CCDC57: variants seen among roughly 807,000 people sequenced by gnomAD.
The protein encoded by CCDC57 is coiled-coil domain-containing protein 57.
In CCDC57, 118 loss-of-function variants were observed where a neutral mutation model predicts 118.9. That is an observed-to-expected ratio of 0.99 (90% CI 0.86 to 1.16). CCDC57 has a LOEUF of 1.16. Among genes scored for constraint, CCDC57 ranks in the 50% most tolerant of loss-of-function variants. The pLI is 0.00. For synonymous variants in CCDC57, 527 were observed against 532.9 expected (o/e 0.99, Z 0.15); for missense variants, 1,300 against 1,320.7 (o/e 0.98, Z 0.24).
At position 82,164,989 on chromosome 17, in the gene CCDC57, C is replaced by T. The variant is rs529000790; in HGVS notation, c.1883-1632G>A. On this transcript the variant is annotated intron_variant, in intron 13 of 19. Transcript: ENST00000665763. ...TGAGAATTGAAAATTATGGGCCAGT[C>T]TTACTCATGAACATAAATGTGATAA... is the stretch of plus-strand genomic sequence containing the variant. Among the ~76,000 whole-genome samples, 4 of 152,270 alleles carry T rather than the reference C, an allele frequency of 2.6e-5. No individual in the cohort carries two copies. In the East Asian group the frequency reaches 7.7e-4, roughly 29 times the overall value.
At chr17:82,206,565 G>C (rs2049675758) in intron 2 of CCDC57, among the ~76,000 whole-genome samples, 1 of 152,094 alleles carries the variant, frequency 6.6e-6, no homozygotes, top group Admixed American at 6.5e-5. Context: ...TGGGGTGTGG[G>C]GGGGTCCTCC....
chr17:82,195,425 C>G lies in CCDC57; in HGVS notation c.517-61G>C, dbSNP rs553741044. 491 of 1,344,180 alleles carry G rather than the reference C, an allele frequency of 3.7e-4. 1 individual carries two copies. In the African/African-American group the frequency reaches 6.6e-3, roughly 18 times the overall value. 83.3% of individuals were successfully genotyped at this position (1,344,180 alleles called of 1,614,324 possible). ...GGAACCCAGCAAAGACCCCCACCCA[C>G]GTCCTGGGAGGTGGGATCCAGAGGT... On this transcript the variant is annotated intron_variant, in intron 4 of 19. Coordinates refer to ENST00000665763, the Ensembl canonical transcript of CCDC57.
intron 3 of CCDC57, among the ~76,000 whole-genome samples, chr17:82,200,191 T>C (rs1271067532): frequency 6.6e-6 from 1 of 152,116 alleles, no homozygotes; most frequent in Non-Finnish European, 1.5e-5. Context: ...TTCACACCCA[T>C]CTGAGACCCT....
In CCDC57 at chr17:82,121,724, G is replaced by A. The variant is rs375623196; in HGVS notation, c.2899+5968C>T. Among the ~76,000 whole-genome samples the A allele has an allele frequency of 3.2e-4, 49 of 152,334 alleles. No individual in the cohort carries two copies. The East Asian group carries it at 6.2e-3, about 19-fold the overall frequency. On this transcript the variant is annotated intron_variant, in intron 19 of 19. Coordinates refer to ENST00000665763, the Ensembl canonical transcript of CCDC57. ...TGAGCTCCTGGGCCTCAGTCAGCGC[G>A]TCCTGCCATGGGGCCGTGCATGCCG...
chr17:82,194,456 A>G (rs2048060734), intron 5 of CCDC57, among the ~76,000 whole-genome samples: 2 of 151,912 alleles, frequency 1.3e-5, no homozygotes, highest in Admixed American at 1.3e-4. Flanking sequence ...GATTACAGGC[A>G]CCCACCACCA....
At chr17:82,151,972 T>C (rs1251581140) in intron 15 of CCDC57, 199 bp from the exon 15 acceptor site, 7 of 578,928 alleles carry the variant, frequency 1.2e-5, no homozygotes, top group African/African-American at 1.9e-5. Flanking sequence ...CTTCCACAAA[T>C]AGAATAAAGG....
At chr17:82,150,952 C>T (rs1434492469) in intron 16 of CCDC57, among the ~76,000 whole-genome samples, 1 of 88,814 alleles carries the variant, frequency 1.1e-5, no homozygotes, top group Non-Finnish European at 2.2e-5. Flanking sequence ...CAGGCGCACA[C>T]CCAGAACCTG....
At chr17:82,111,433 C>A (rs2035236144) in intron 19 of CCDC57, among the ~76,000 whole-genome samples, 1 of 146,538 alleles carries the variant, frequency 6.8e-6, no homozygotes, top group Non-Finnish European at 1.5e-5. Context: ...GGTTGGAGCG[C>A]AGTGGCGTGA....
chr17:82,111,635 TCTG>T (rs977291182), intron 19 of CCDC57, among the ~76,000 whole-genome samples: 1 of 151,208 alleles, frequency 6.6e-6, no homozygotes, highest in African/African-American at 2.4e-5. Context: ...TGAGACAGAG[TCTG>T]CTCTTTCACC....
chr17:82,188,896 C>G (rs775787804), intron 7 of CCDC57, among the ~76,000 whole-genome samples: 5 of 152,218 alleles, frequency 3.3e-5, no homozygotes, highest in Non-Finnish European at 7.3e-5. Flanking sequence ...TCAAGCAATC[C>G]TCTCACCTCA....
intron 19 of CCDC57, among the ~76,000 whole-genome samples, chr17:82,119,530 A>G (rs561843125): frequency 6.6e-6 from 1 of 152,150 alleles, no homozygotes; most frequent in African/African-American, 2.4e-5. Flanking sequence ...AAGTTTAGGA[A>G]GAAAAATGGC....
intron 7 of CCDC57, among the ~76,000 whole-genome samples, chr17:82,191,656 G>A (rs34620191): frequency 0.48 from 72,307 of 151,646 alleles, 18,003 homozygotes; most frequent in East Asian, 0.88. Flanking sequence ...CTTAACAAAC[G>A]GTAAACATAT....
intron 4 of CCDC57, 90 bp from the exon 4 acceptor site, chr17:82,195,454 C>G (rs1370839678): frequency 2.1e-6 from 2 of 967,084 alleles, no homozygotes; most frequent in Non-Finnish European, 3.2e-6. Context: ...CAGAGGTGAG[C>G]AGGACACAGT....
At chr17:82,134,531 C>T (rs1467856622) in intron 16 of CCDC57, among the ~76,000 whole-genome samples, 1 of 152,122 alleles carries the variant, frequency 6.6e-6, no homozygotes, top group Non-Finnish European at 1.5e-5. Context: ...CGGAGGCTCA[C>T]GTCTGTAATC....
Position 82,172,595 on chromosome 17 carries a change from C to G in CCDC57, c.1729+43G>C. 1 of 1,511,852 alleles carries G rather than the reference C, an allele frequency of 6.6e-7. No homozygotes were observed. The highest frequency in any genetic ancestry group is 2.5e-5 in the East Asian group (1 of 40,748). The allele number at this position is 1,511,852 out of a possible 1,614,324, so 93.7% of individuals were successfully genotyped here. A position where few individuals can be genotyped will look rare whatever the true frequency, so the allele number is the denominator to read the frequency against. On this transcript the variant is annotated intron_variant, in intron 12 of 19. Transcript: ENST00000665763. This position sits in a 1 kb window ranked among gnomAD's most constrained non-coding sequence, Gnocchi z 5.2. Reference sequence around the variant, plus strand: ...CCCGTCTGTCCTCCTCCCTCCCTCTCCCCCTTCCTCTCCCGCTCTGTCCGT... The same window carrying G: ...CCCGTCTGTCCTCCTCCCTCCCTCTGCCCCTTCCTCTCCCGCTCTGTCCGT...
chr17:82,166,953 G>A (rs1473138440), intron 13 of CCDC57, among the ~76,000 whole-genome samples: 1 of 151,920 alleles, frequency 6.6e-6, no homozygotes, highest in African/African-American at 2.4e-5. Context: ...AAAAAAAAAG[G>A]AAAAAGAAAC....
intron 16 of CCDC57, among the ~76,000 whole-genome samples, chr17:82,141,767 T>A (rs966470259): frequency 2.6e-5 from 4 of 152,152 alleles, no homozygotes; most frequent in African/African-American, 7.2e-5. Flanking sequence ...ACATTACCTG[T>A]CTGATGCCCG....
chr17:82,108,029 G>C (rs2034991800), intron 19 of CCDC57, among the ~76,000 whole-genome samples: 1 of 152,196 alleles, frequency 6.6e-6, no homozygotes, highest in Non-Finnish European at 1.5e-5. Flanking sequence ...CCTGGGGCAG[G>C]CTGGTCTCTA....
At position 82,166,283 on chromosome 17, in the gene CCDC57, G is replaced by C. The variant is rs565790670; in HGVS notation, c.1883-2926C>G. Among the ~76,000 whole-genome samples the C allele has an allele frequency of 2.0e-5, 3 of 151,104 alleles. No individual in the cohort carries two copies. In the South Asian group the frequency reaches 6.3e-4, roughly 32 times the overall value. ...AAGTTACTGGGGAGGGTAGAGGTGAGAGAATTGCTTGAAGCCAATAGTTTA... is the reference window on the plus strand; with the variant it reads ...AAGTTACTGGGGAGGGTAGAGGTGACAGAATTGCTTGAAGCCAATAGTTTA... On this transcript the variant is annotated intron_variant, in intron 13 of 19. Transcript: ENST00000665763.
Sources: gnomAD v4.1 joint callset for allele counts (sites outside exome capture counted in the v4.1 genomes callset) on GRCh38, gnomAD v4.1.1 for gene constraint, Gnocchi (gnomAD v3.1) non-coding constraint, MANE v1.5 for transcripts, NCBI Gene and HGNC (gene_info 2026-07-23, HGNC 2026-07-21) for gene names.